Variants in LIPA observed in about 807,000 individuals in gnomAD.
The protein encoded by LIPA is lipase A, lysosomal acid type.
A neutral mutation model predicts 40.6 loss-of-function variants in LIPA; 26 were observed. That is an observed-to-expected ratio of 0.64 (90% CI 0.47 to 0.89). LIPA has a LOEUF of 0.89. Ranked by LOEUF, LIPA falls within the 40% of genes least tolerant of loss-of-function variation. The pLI is 0.00. For missense variants in LIPA, 455 were observed against 479.6 expected (o/e 0.95, Z 0.48); for synonymous variants, 188 against 168.4 (o/e 1.12, Z -0.90).
chr10:89,340,349 G>A, intron 1 of LIPA: 1 of 409,514 alleles, frequency 2.4e-6, no homozygotes, highest in South Asian at 4.4e-5. Flanking sequence ...ACGAGGTCTG[G>A]AGTTTGAGAC....
At chr10:89,332,094 G>A (rs529095064) in intron 1 of LIPA, among the ~76,000 whole-genome samples, 1 of 152,258 alleles carries the variant, frequency 6.6e-6, no homozygotes, top group Middle Eastern at 3.4e-3. Context: ...ATCCAGGCAT[G>A]GTGGTGCACG....
In LIPA at chr10:89,215,935, T is replaced by A. The variant is rs201242614; in HGVS notation, c.966+3A>T. The A allele has an allele frequency of 1.4e-4, 229 of 1,601,534 alleles. No homozygotes were observed. The highest frequency in any genetic ancestry group is 4.5e-4 in the Admixed American group (27 of 60,004). ...CCTTTAATGAAAAGACTAAAAACTT[T>A]ACCTGGTTGTAATGAAAATAATTCT... On this transcript the variant is annotated splice_donor_region_variant and intron_variant, in intron 9 of 9. Coordinates refer to ENST00000336233, the MANE Select transcript of LIPA (RefSeq NM_000235.4).
intron 1 of LIPA, among the ~76,000 whole-genome samples, chr10:89,324,693 TA>T (rs1843589963): frequency 6.6e-6 from 1 of 152,116 alleles, no homozygotes; most frequent in Non-Finnish European, 1.5e-5. Context: ...ACAGCTCCAT[TA>T]AAAAGTGGGC....
intron 2 of LIPA, chr10:89,362,552 C>A: frequency 3.3e-6 from 1 of 300,730 alleles, no homozygotes; most frequent in East Asian, 6.2e-5. Flanking sequence ...CATGAGTGAC[C>A]AGTATCATCA....
At chr10:89,331,180 T>C (rs540612183) in intron 1 of LIPA, among the ~76,000 whole-genome samples, 26 of 152,158 alleles carry the variant, frequency 1.7e-4, no homozygotes, top group African/African-American at 5.8e-4. Flanking sequence ...GTTGTTGCTG[T>C]TGTTGTTTTT....
At chr10:89,253,343 CA>C (rs761985546), upstream of LIPA, among the ~76,000 whole-genome samples, 1 of 152,126 alleles carries the variant, frequency 6.6e-6, no homozygotes, top group Non-Finnish European at 1.5e-5. Context: ...TGGCAGAAGG[CA>C]AAAGGCTTGT....
At chr10:89,243,080 AG>A (rs1162585719) in intron 3 of LIPA, among the ~76,000 whole-genome samples, 1 of 152,188 alleles carries the variant, frequency 6.6e-6, no homozygotes, top group African/African-American at 2.4e-5. Flanking sequence ...GGAAGTCAGG[AG>A]GGGAAGCGGG....
chr10:89,339,996 G>A (rs201016661), intron 1 of LIPA: 73 of 1,614,202 alleles, frequency 4.5e-5, no homozygotes, highest in South Asian at 2.7e-4. Context: ...GCCTGCTAAG[G>A]GATGCCCCTT....
At chr10:89,382,943 C>A (rs1467336564) in intron 2 of LIPA, among the ~76,000 whole-genome samples, 1 of 152,190 alleles carries the variant, frequency 6.6e-6, no homozygotes, top group Non-Finnish European at 1.5e-5. Flanking sequence ...TTCTGTGAAC[C>A]CTCTCTCCAC....
intron 1 of LIPA, among the ~76,000 whole-genome samples, chr10:89,295,743 C>T (rs1843409581): frequency 1.3e-5 from 2 of 152,268 alleles, no homozygotes; most frequent in Admixed American, 1.3e-4. Context: ...AGGAAAAAGA[C>T]ACATATATAT....
At chr10:89,414,628 G>A, upstream of LIPA, 2 of 568,674 alleles carry the variant, frequency 3.5e-6, no homozygotes, top group Non-Finnish European at 5.8e-6. Flanking sequence ...TGGGGCTGGG[G>A]TCTCTCCTTT....
In LIPA at chr10:89,305,970, A is replaced by G. The variant is rs1843475095; in HGVS notation, c.-2+36641T>C. On this transcript the variant is annotated intron_variant, in intron 1 of 5. Transcript: ENST00000282673. ...TGTGTTTTTCCCTACAGTGAGAACA[A>G]TAAGAATTCCTTGGAGAGCAGCCTA... 6.2e-7 allele frequency: 1 copy of G among 1,610,302 alleles called. No homozygotes were observed. Among genetic ancestry groups the G allele is most frequent in the Non-Finnish European group, 8.5e-7 (1 of 1,177,060 alleles).
intron 3 of LIPA, among the ~76,000 whole-genome samples, chr10:89,230,557 C>G (rs1366997159): frequency 6.6e-6 from 1 of 152,132 alleles, no homozygotes; most frequent in Non-Finnish European, 1.5e-5. Flanking sequence ...CCACCCACCT[C>G]GGCTTCCCAA....
chr10:89,298,069 T>C (rs1289009653), intron 1 of LIPA, among the ~76,000 whole-genome samples: 1 of 152,192 alleles, frequency 6.6e-6, no homozygotes, highest in South Asian at 2.1e-4. Context: ...CAGTGTACAC[T>C]TATCAGAACC....
intron 1 of LIPA, among the ~76,000 whole-genome samples, chr10:89,275,968 A>G (rs189645176): frequency 6.6e-6 from 1 of 152,348 alleles, no homozygotes; most frequent in East Asian, 1.9e-4. Flanking sequence ...GCTGAAGTAC[A>G]TAGCTTGTGT....
chr10:89,256,827 C>A (rs1182781976), intron 1 of LIPA, among the ~76,000 whole-genome samples: 2 of 152,194 alleles, frequency 1.3e-5, no homozygotes, highest in East Asian at 3.8e-4. Context: ...TTCCTTCACT[C>A]AGGTAGGGGA....
intron 1 of LIPA, among the ~76,000 whole-genome samples, chr10:89,289,715 C>G (rs1377473334): frequency 6.6e-6 from 1 of 152,108 alleles, no homozygotes; most frequent in African/African-American, 2.4e-5. Flanking sequence ...AAACTGCCAC[C>G]CTTAAGTCTC....
intron 1 of LIPA, chr10:89,339,324 A>G: frequency 6.2e-7 from 1 of 1,613,804 alleles, no homozygotes; most frequent in Non-Finnish European, 8.5e-7. Context: ...TGAATAAAGA[A>G]GCTGAAGGAG....
chr10:89,363,609 C>G (rs1440133153), intron 2 of LIPA: 2 of 152,094 alleles, frequency 1.3e-5, no homozygotes, highest in Non-Finnish European at 2.9e-5. Context: ...AACCCTGTCT[C>G]TACTAAAAAT....
Sources: gnomAD v4.1 joint callset for allele counts (sites outside exome capture counted in the v4.1 genomes callset) on GRCh38, gnomAD v4.1.1 for gene constraint, MANE v1.5 for transcripts, NCBI Gene and HGNC (gene_info 2026-07-23, HGNC 2026-07-21) for gene names.